CAAP1: variants seen among roughly 807,000 people sequenced by gnomAD.
CAAP1 encodes caspase activity and apoptosis inhibitor 1, also known as conserved anti-apoptotic protein.
Under a neutral mutation model 34.0 loss-of-function variants are expected in CAAP1, and 20 were observed. The ratio of observed to expected loss-of-function variants is 0.59; its 90% confidence interval spans 0.41 to 0.86. The LOEUF (loss-of-function observed/expected upper bound fraction) is 0.86. Among genes scored for constraint, CAAP1 ranks in the 40% least tolerant of loss-of-function variants. The pLI, the probability that CAAP1 is intolerant of heterozygous loss-of-function variation, is 0.00. For synonymous variants in CAAP1, 213 were observed against 166.7 expected (o/e 1.28, Z -2.14); for missense variants, 538 against 450.5 (o/e 1.19, Z -1.76).
rs548527085 is a variant in CAAP1 at position 26,841,254 on chromosome 9, T to A, written c.*1047A>T. Reference sequence around the variant, plus strand: ...TAGAAACAACAGTTCCAGATTTATGTTTTTTGAAAAAATTAATTTATTTTA... The same window carrying A: ...TAGAAACAACAGTTCCAGATTTATGATTTTTGAAAAAATTAATTTATTTTA... On this transcript the variant is annotated 3_prime_UTR_variant, in exon 6 of 6. Transcript: ENST00000333916. The A allele has an allele frequency of 6.6e-6, 1 of 152,602 alleles. No homozygotes were observed. The highest frequency in any genetic ancestry group is 2.4e-5 in the African/African-American group (1 of 41,562). The allele number at this position is 152,602 out of a possible 1,614,324, so 9.5% of individuals were successfully genotyped here.
rs1232549064 is a variant in CAAP1, at chr9:26,884,840, C to T, written c.635G>A (p.Gly212Asp). ...DSDMEEEADD[G>D]SKMGSDLVSQ... ...GACTAAATCAGATCCCATCTTAGAA[C>T]CATCATCTGCTTCCTCTTCCATATC... The change falls in exon 4 of 6, where the codon GGT becomes GAT. Residue 212 changes from glycine to aspartate, a missense_variant. Physicochemically the swap from Gly to Asp is moderately conservative, Grantham distance 94. Coordinates refer to ENST00000333916, the MANE Select transcript of CAAP1 (RefSeq NM_024828.4). 1 of 1,609,574 alleles carries T rather than the reference C, an allele frequency of 6.2e-7. No individual in the cohort carries two copies. Among genetic ancestry groups the T allele is most frequent in the Non-Finnish European group, 8.5e-7 (1 of 1,179,272 alleles).
intron 4 of CAAP1, among the ~76,000 whole-genome samples, chr9:26,877,459 A>T (rs1354344680): frequency 2.6e-5 from 4 of 152,146 alleles, no homozygotes; most frequent in African/African-American, 4.8e-5. Flanking sequence ...GTGTCACATG[A>T]CTGTATTTTC....
At position 26,841,339 on chromosome 9, in the gene CAAP1, G is replaced by T. The variant is rs1822475103; in HGVS notation, c.*962C>A. On this transcript the variant is annotated 3_prime_UTR_variant, in exon 6 of 6. Transcript: ENST00000333916. ...CAAACAACTGCAATTAGTGATGGGG[G>T]GATAAAAGCATCCCTAATTGTGGAA... 1 of 152,126 alleles carries T rather than the reference G, an allele frequency of 6.6e-6. No homozygotes were observed. The highest frequency in any genetic ancestry group is 1.5e-5 in the Non-Finnish European group (1 of 67,892). The allele number at this position is 152,126 out of a possible 1,614,324, so 9.4% of individuals were successfully genotyped here.
chr9:26,861,765 T>C (rs1312548247), intron 4 of CAAP1, among the ~76,000 whole-genome samples: 2 of 152,200 alleles, frequency 1.3e-5, no homozygotes, highest in Non-Finnish European at 2.9e-5. Context: ...AATGTTCAAA[T>C]GAGCTATGTG....
At chr9:26,850,826 A>T (rs1425555049) in intron 5 of CAAP1, among the ~76,000 whole-genome samples, 4 of 152,196 alleles carry the variant, frequency 2.6e-5, no homozygotes, top group Admixed American at 2.6e-4. Context: ...ATTTAAGTGC[A>T]TTAGGTTGAC....
chr9:26,861,066 C>T lies in CAAP1; in HGVS notation c.739G>A (p.Gly247Arg), dbSNP rs201198523. Residue 247 changes from glycine (G) to arginine (R), a missense_variant and splice_region_variant, in exon 5 of 6, where the codon GGA becomes AGA. Physicochemically the swap from Gly to Arg is moderately radical, Grantham distance 125. Transcript: ENST00000333916. ...CAATAATCAAGTACTTGGTTCATAC[C>T]TTGTTTTAATTCCAAACCTTCAGGT... ...KQPEGLELKQ[G>R]KGEDSDVLSI... 1 of 1,598,200 alleles carries T rather than the reference C, an allele frequency of 6.3e-7. No individual in the cohort carries two copies. Among genetic ancestry groups the T allele is most frequent in the Non-Finnish European group, 8.6e-7 (1 of 1,166,232 alleles).
chr9:26,868,949 A>G (rs1823207053), intron 4 of CAAP1, among the ~76,000 whole-genome samples: 1 of 152,260 alleles, frequency 6.6e-6, no homozygotes, highest in Non-Finnish European at 1.5e-5. Context: ...TATGAAATGA[A>G]TATCACATAT....
At chr9:26,852,916 GA>G (rs1380078937) in intron 5 of CAAP1, among the ~76,000 whole-genome samples, 1 of 152,186 alleles carries the variant, frequency 6.6e-6, no homozygotes, top group East Asian at 1.9e-4. Flanking sequence ...CAGGCAGAAG[GA>G]ACAGCAAAAG....
chr9:26,872,541 A>G (rs1312527945), intron 4 of CAAP1, among the ~76,000 whole-genome samples: 2 of 145,184 alleles, frequency 1.4e-5, no homozygotes, highest in African/African-American at 5.5e-5. Context: ...ATAGACAGAT[A>G]GATATACATA....
At chr9:26,850,357 C>G (rs929612934) in intron 5 of CAAP1, among the ~76,000 whole-genome samples, 8 of 151,968 alleles carry the variant, frequency 5.3e-5, no homozygotes, top group African/African-American at 1.9e-4. Flanking sequence ...CATGACTACC[C>G]CAAAAATGTC....
intron 3 of CAAP1, among the ~76,000 whole-genome samples, chr9:26,885,469 C>T (rs1224278159): frequency 1.3e-5 from 2 of 152,038 alleles, no homozygotes; most frequent in Non-Finnish European, 2.9e-5. Context: ...ATATCTATTT[C>T]CAGAGTTACA....
At chr9:26,886,278 C>A in intron 2 of CAAP1, 90 bp from the exon 3 acceptor site, 1 of 503,676 alleles carries the variant, frequency 2.0e-6, no homozygotes, top group Non-Finnish European at 3.3e-6. Context: ...TTTAAGTTAG[C>A]AAAATCTTAC....
chr9:26,879,368 A>G (rs1351848243), intron 4 of CAAP1, among the ~76,000 whole-genome samples: 1 of 152,238 alleles, frequency 6.6e-6, no homozygotes, highest in African/African-American at 2.4e-5. Context: ...TCTGACTTGC[A>G]TTAATGCTTT....
chr9:26,855,899 T>C (rs1184784839), intron 5 of CAAP1, among the ~76,000 whole-genome samples: 1 of 151,958 alleles, frequency 6.6e-6, no homozygotes, highest in Non-Finnish European at 1.5e-5. Context: ...GCCTTAAGAG[T>C]GTGTCTAAGA....
At chr9:26,844,687 A>T (rs564318124) in intron 5 of CAAP1, among the ~76,000 whole-genome samples, 26 of 152,330 alleles carry the variant, frequency 1.7e-4, no homozygotes, top group Non-Finnish European at 3.2e-4. Context: ...CTTCCAGCAC[A>T]TAATATATAA....
chr9:26,886,987 G>A (rs536377654), intron 2 of CAAP1, among the ~76,000 whole-genome samples: 6 of 152,060 alleles, frequency 3.9e-5, no homozygotes, highest in African/African-American at 9.7e-5. Context: ...AGGCCAAGGT[G>A]GGCAGATCAC....
At chr9:26,861,028 G>A in intron 5 of CAAP1, 38 bp downstream of exon 5, 4 of 1,406,654 alleles carry the variant, frequency 2.8e-6, no homozygotes, top group Non-Finnish European at 4.0e-6. Context: ...CTATTCTTCA[G>A]GTAAATTTTA....
intron 3 of CAAP1, 140 bp from the exon 4 acceptor site, chr9:26,885,025 C>T (rs992451112): frequency 1.4e-4 from 67 of 484,130 alleles, no homozygotes; most frequent in South Asian, 4.1e-4. Flanking sequence ...TTTTTAATTG[C>T]TTGTATTTAA....
Position 26,892,581 on chromosome 9 carries a change from G to A in CAAP1, c.135C>T (p.Ser45=). 4 of 1,599,424 alleles carry A rather than the reference G, an allele frequency of 2.5e-6. No homozygotes were observed. Among genetic ancestry groups the A allele is most frequent in the African/African-American group, 1.3e-5 (1 of 74,852 alleles). The change falls in exon 1 of 6, where the codon AGC becomes AGT. Residue 45 remains serine, a synonymous_variant. Coordinates refer to ENST00000333916, the MANE Select transcript of CAAP1 (RefSeq NM_024828.4). ...GSSGSTSGCG[S]AGGCGSVSCC... ...AGCTGACGCTCCCGCAGCCCCCGGC[G>A]CTCCCGCAGCCGCTAGTGCTTCCAC...
Sources: gnomAD v4.1 joint callset for allele counts (sites outside exome capture counted in the v4.1 genomes callset) on GRCh38, gnomAD v4.1.1 for gene constraint, MANE v1.5 for transcripts, NCBI Gene and HGNC (gene_info 2026-07-23, HGNC 2026-07-21) for gene names.